Variants in LRRC3B observed in about 807,000 individuals in gnomAD.
The protein encoded by LRRC3B is leucine rich repeat containing 3B, also known as leucine-rich repeat-containing protein 3B.
A neutral mutation model predicts 12.8 loss-of-function variants in LRRC3B; 2 were observed. The observed-to-expected ratio is 0.16, with a 90% confidence interval of 0.06 to 0.49. The LOEUF (loss-of-function observed/expected upper bound fraction) is 0.49, where lower values mean the gene tolerates loss of function less well. Among genes scored for constraint, LRRC3B ranks in the 20% least tolerant of loss-of-function variants. LRRC3B has a pLI of 0.96. For missense variants in LRRC3B, 189 were observed against 319.4 expected (o/e 0.59, Z 3.11); for synonymous variants, 132 against 122.0 (o/e 1.08, Z -0.54).
At chr3:26,624,336 C>G (rs1001046544) in intron 1 of LRRC3B, 13 of 152,744 alleles carry the variant, frequency 8.5e-5, no homozygotes, top group Admixed American at 3.9e-4. Flanking sequence ...CTTGCTTCTA[C>G]GCTCCTTCAC....
At chr3:26,696,220 C>A (rs1700313373) in intron 1 of LRRC3B, among the ~76,000 whole-genome samples, 1 of 152,136 alleles carries the variant, frequency 6.6e-6, no homozygotes, top group Non-Finnish European at 1.5e-5. Context: ...AAATTGTTAC[C>A]TATGCTAACA....
chr3:26,635,595 C>T (rs1339808919), intron 1 of LRRC3B, among the ~76,000 whole-genome samples: 1 of 152,216 alleles, frequency 6.6e-6, no homozygotes. Flanking sequence ...CAGGCATCAA[C>T]CCTGCTGGTA....
At chr3:26,668,365 G>T in intron 1 of LRRC3B, among the ~76,000 whole-genome samples, 1 of 152,098 alleles carries the variant, frequency 6.6e-6, no homozygotes, top group East Asian at 1.9e-4. Context: ...GAAAGATTTG[G>T]GGGCCATGAA....
At chr3:26,634,478 A>G (rs1698823584) in intron 1 of LRRC3B, among the ~76,000 whole-genome samples, 1 of 152,222 alleles carries the variant, frequency 6.6e-6, no homozygotes, top group African/African-American at 2.4e-5. Context: ...GGAGCTTGAC[A>G]TTCCATTTTG....
intron 1 of LRRC3B, among the ~76,000 whole-genome samples, chr3:26,677,302 G>C (rs1407318884): frequency 6.6e-6 from 1 of 152,160 alleles, no homozygotes; most frequent in African/African-American, 2.4e-5. Flanking sequence ...ATAAACACCA[G>C]TATTCTGGTG....
chr3:26,677,389 G>A (rs1366245245), intron 1 of LRRC3B, among the ~76,000 whole-genome samples: 1 of 152,330 alleles, frequency 6.6e-6, no homozygotes, highest in Admixed American at 6.5e-5. Context: ...GTGACTGGCA[G>A]TGGTCACAAC....
chr3:26,628,175 A>G (rs1261761176), intron 1 of LRRC3B, among the ~76,000 whole-genome samples: 1 of 152,232 alleles, frequency 6.6e-6, no homozygotes, highest in Non-Finnish European at 1.5e-5. Context: ...ATATGAGTTC[A>G]TTGACATTTA....
chr3:26,625,567 A>G (rs1438532256), intron 1 of LRRC3B: 2 of 152,182 alleles, frequency 1.3e-5, no homozygotes, highest in African/African-American at 4.8e-5. Context: ...GACCCCCCCA[A>G]GGCTCATTTC....
Position 26,636,908 on chromosome 3 carries a change from CTCTTTCTCTCTTTCTT to C in LRRC3B, c.-161+13679_-161+13694del, listed in dbSNP as rs1559350229. 1.4e-4 allele frequency among the ~76,000 whole-genome samples: 15 copies of C among 105,390 alleles called. 1 individual carries two copies. The highest frequency in any genetic ancestry group is 4.6e-4 in the African/African-American group (10 of 21,732). 69.1% of individuals were successfully genotyped at this position (105,390 alleles called of 152,430 possible). ...TTCCTTTCTCTCTCTCTCTCTTTCT[CTCTTTCTCTCTTTCTT>C]TCTTTCTTTCTTTCTTTCTTTCTTT... On this transcript the variant is annotated intron_variant, in intron 1 of 1. Coordinates refer to ENST00000396641, the Ensembl canonical transcript of LRRC3B.
intron 1 of LRRC3B, among the ~76,000 whole-genome samples, chr3:26,657,434 C>T (rs949013533): frequency 5.3e-5 from 8 of 152,182 alleles, no homozygotes; most frequent in African/African-American, 1.9e-4. Context: ...GTCCAGTAGG[C>T]TGACACAAGA....
intron 1 of LRRC3B, among the ~76,000 whole-genome samples, chr3:26,685,523 C>CTCTCTATA (rs1200535225): frequency 1.3e-4 from 5 of 38,300 alleles, no homozygotes; most frequent in African/African-American, 5.1e-4. Context: ...CTCTCTCTCT[C>CTCTCTATA]TATATATATA....
chr3:26,701,730 G>T (rs887354978), intron 1 of LRRC3B, among the ~76,000 whole-genome samples: 1 of 152,056 alleles, frequency 6.6e-6, no homozygotes, highest in Non-Finnish European at 1.5e-5. Context: ...CAGGGGTCAT[G>T]TACTAAACTT....
chr3:26,671,356 A>ATGTGTG (rs1559361658), intron 1 of LRRC3B, among the ~76,000 whole-genome samples: 1 of 56,392 alleles, frequency 1.8e-5, no homozygotes, highest in South Asian at 6.8e-4. Context: ...GTGTGTATAT[A>ATGTGTG]TATATATATA....
chr3:26,709,806 GT>G lies in LRRC3B; in HGVS notation c.137del (p.Leu46Ter). ...GGCTGTCTTTGTTCTTCCTCTGGGG[GT>G]TTAAATGTCACCTGTAGCAATGCAA... On this transcript the variant is annotated frameshift_variant, in exon 2 of 2. Coordinates refer to ENST00000396641, the Ensembl canonical transcript of LRRC3B. LOFTEE classifies it high-confidence loss of function. 1 of 1,614,068 alleles carries G rather than the reference GT, an allele frequency of 6.2e-7. No individual in the cohort carries two copies. The highest frequency in any genetic ancestry group is 8.5e-7 in the Non-Finnish European group (1 of 1,180,006).
chr3:26,662,350 A>G (rs1466488913), intron 1 of LRRC3B, among the ~76,000 whole-genome samples: 3 of 152,190 alleles, frequency 2.0e-5, no homozygotes, highest in Non-Finnish European at 1.5e-5. Context: ...GATATGCATG[A>G]GTATGAATAT....
intron 1 of LRRC3B, among the ~76,000 whole-genome samples, chr3:26,640,883 C>T (rs1699017179): frequency 6.6e-6 from 1 of 152,148 alleles, no homozygotes; most frequent in Non-Finnish European, 1.5e-5. Flanking sequence ...TTCTCCCAGA[C>T]AGCTAGAGGC....
intron 1 of LRRC3B, among the ~76,000 whole-genome samples, chr3:26,693,101 C>T (rs1021927153): frequency 5.9e-5 from 9 of 151,982 alleles, no homozygotes; most frequent in East Asian, 1.9e-4. Flanking sequence ...GAGGCCGAGA[C>T]GGGCGGATCA....
chr3:26,689,709 G>C (rs893816791), intron 1 of LRRC3B, among the ~76,000 whole-genome samples: 21 of 152,140 alleles, frequency 1.4e-4, no homozygotes, highest in African/African-American at 5.1e-4. Flanking sequence ...GGACTTTTAG[G>C]TTCTTGAGAG....
intron 1 of LRRC3B, among the ~76,000 whole-genome samples, chr3:26,628,861 AAAT>A (rs1461411290): frequency 6.6e-6 from 1 of 151,610 alleles, no homozygotes; most frequent in African/African-American, 2.4e-5. Context: ...AAAAAAAAAA[AAAT>A]CCTCCACAAA....
Sources: gnomAD v4.1 joint callset for allele counts (sites outside exome capture counted in the v4.1 genomes callset) on GRCh38, gnomAD v4.1.1 for gene constraint, MANE v1.5 for transcripts, NCBI Gene and HGNC (gene_info 2026-07-23, HGNC 2026-07-21) for gene names.